Variants in DGLUCY observed in about 807,000 individuals in gnomAD.
DGLUCY encodes D-glutamate cyclase.
DGLUCY carries 58 observed loss-of-function variants against 58.5 expected under a neutral mutation model. The observed-to-expected ratio is 0.99, with a 90% CI of 0.80 to 1.23. The LOEUF (loss-of-function observed/expected upper bound fraction) is 1.23. Among genes scored for constraint, DGLUCY ranks in the 50% most tolerant of loss-of-function variants. DGLUCY has a pLI of 0.00. For synonymous variants in DGLUCY, 325 were observed against 314.1 expected, an observed-to-expected ratio of 1.03 and a Z score of -0.37; for missense variants, 779 against 784.7, an observed-to-expected ratio of 0.99 and a Z score of 0.09.
chr14:91,108,925 C>T (rs2044647806), intron 1 of DGLUCY, among the ~76,000 whole-genome samples: 1 of 152,024 alleles, frequency 6.6e-6, no homozygotes, highest in African/African-American at 2.4e-5. Context: ...AAGAAAGGGA[C>T]CGGAGAGCAA....
intron 3 of DGLUCY, among the ~76,000 whole-genome samples, chr14:91,165,535 T>G (rs977363512): frequency 2.0e-5 from 3 of 152,198 alleles, no homozygotes; most frequent in Non-Finnish European, 4.4e-5. Flanking sequence ...ATAGGAGGTC[T>G]TCTCCTGTAG....
chr14:91,173,181 C>G, intron 5 of DGLUCY, 108 bp from the exon 6 acceptor site: 763 of 1,076,682 alleles, frequency 7.1e-4, no homozygotes, highest in Non-Finnish European at 9.6e-4. Context: ...TCTATAACAG[C>G]TACTCCTCCT....
intron 13 of DGLUCY, among the ~76,000 whole-genome samples, chr14:91,219,375 C>T (rs1317785340): frequency 6.6e-6 from 1 of 152,104 alleles, no homozygotes; most frequent in Non-Finnish European, 1.5e-5. Flanking sequence ...CCCACATAAG[C>T]AAAGGTACAG....
chr14:91,095,109 AG>A lies in DGLUCY; in HGVS notation c.-82+34406del, dbSNP rs762156939. On this transcript the variant is annotated intron_variant, in intron 1 of 4. Transcript: ENST00000521334. ...CATGAGAAATTCCCCCTGCCCCCCC[AG>A]TTCATTTGCCCCTGAAAGCAGACCA... Among the ~76,000 whole-genome samples, 193 of 149,266 alleles carry A rather than the reference AG, an allele frequency of 1.3e-3. 1 individual carries two copies. Among genetic ancestry groups the A allele is most frequent in the Middle Eastern group, 6.9e-3 (2 of 290 alleles).
chr14:91,187,277 C>T (rs565938723), intron 8 of DGLUCY, among the ~76,000 whole-genome samples: 3 of 152,292 alleles, frequency 2.0e-5, no homozygotes, highest in South Asian at 2.1e-4. Flanking sequence ...GGATTACAGG[C>T]GTGAGCCACC....
chr14:91,187,329 T>C (rs1383532341), intron 8 of DGLUCY, among the ~76,000 whole-genome samples: 1 of 152,174 alleles, frequency 6.6e-6, no homozygotes, highest in East Asian at 1.9e-4. Flanking sequence ...TCCAGGCACC[T>C]CAACTATAAG....
At position 91,068,397 on chromosome 14, in the gene DGLUCY, G is replaced by A. The variant is rs1007919908; in HGVS notation, c.-82+7693G>A. On this transcript the variant is annotated intron_variant, in intron 1 of 4. Transcript: ENST00000521334. ...TATAAAGATATTGGGGGCCGGGCAC[G>A]GTGGCTCCCACCTGTAATCCCAACA... Among the ~76,000 whole-genome samples the A allele has an allele frequency of 4.6e-5, 7 of 152,186 alleles. No homozygotes were observed. The East Asian group carries it at 5.8e-4, about 13-fold the overall frequency.
chr14:91,170,304 A>T, intron 5 of DGLUCY, 103 bp downstream of exon 5: 1 of 1,277,052 alleles, frequency 7.8e-7, no homozygotes, highest in Non-Finnish European at 1.1e-6. Context: ...GAGGTGGAAA[A>T]CCTAAGCTCC....
chr14:91,144,720 T>C (rs1366137040), intron 1 of DGLUCY, among the ~76,000 whole-genome samples: 2 of 152,116 alleles, frequency 1.3e-5, no homozygotes, highest in Admixed American at 6.6e-5. Context: ...TTGGGAGCTC[T>C]CGTGGGAAGT....
chr14:91,215,575 C>A lies in DGLUCY; in HGVS notation c.1716+19C>A. ...CATTAAGGTAACAAACCCCAGCCAG[C>A]CGCTCGCCTGGAAGCAGCTTTTACC... On this transcript the variant is annotated intron_variant, in intron 13 of 13. Coordinates refer to ENST00000256324, the MANE Select transcript of DGLUCY (RefSeq NM_001102368.3). 1 of 1,613,406 alleles carries A rather than the reference C, an allele frequency of 6.2e-7. No individual in the cohort carries two copies. The highest frequency in any genetic ancestry group is 8.5e-7 in the Non-Finnish European group (1 of 1,179,504).
chr14:91,139,291 C>T (rs939989088), intron 1 of DGLUCY, among the ~76,000 whole-genome samples: 12 of 152,184 alleles, frequency 7.9e-5, no homozygotes, highest in African/African-American at 2.4e-4. Flanking sequence ...CCTCCGTAGA[C>T]TGCATGATGA....
rs529757715 is a variant in DGLUCY at position 91,125,910 on chromosome 14, T to C, written c.-82+11627T>C. Among the ~76,000 whole-genome samples the C allele has an allele frequency of 2.0e-5, 3 of 152,276 alleles. No individual in the cohort carries two copies. The East Asian group carries it at 5.8e-4, about 29-fold the overall frequency. On this transcript the variant is annotated intron_variant, in intron 1 of 13. Coordinates refer to ENST00000256324, the MANE Select transcript of DGLUCY (RefSeq NM_001102368.3). ...TCTTGCCACTGTACTCTAGCCTGGG[T>C]GACAGAGCAGGACACAGTCTCTAAA...
rs756195721 is a variant in DGLUCY, at chr14:91,176,021, C to T, written c.695C>T (p.Ser232Phe). ...PPGEVPVFWP[S>F]PLTSLGAVSS... ...GGGGAGGTTCCAGTGTTCTGGCCTT[C>T]TCCGCTGACCAGTCTCGGAGCTGTC... is the stretch of plus-strand genomic sequence containing the variant. Residue 232 changes from serine to phenylalanine, a missense_variant, in exon 7 of 14, where the codon TCT becomes TTT. Ser to Phe is a radical substitution (Grantham distance 155). Coordinates refer to ENST00000256324, the MANE Select transcript of DGLUCY (RefSeq NM_001102368.3). The T allele has an allele frequency of 1.2e-6, 2 of 1,614,120 alleles. No homozygotes were observed. Among genetic ancestry groups the T allele is most frequent in the Non-Finnish European group, 1.7e-6 (2 of 1,179,960 alleles).
upstream of DGLUCY, among the ~76,000 whole-genome samples, chr14:91,109,697 TC>T (rs1350513683): frequency 6.6e-6 from 1 of 152,160 alleles, no homozygotes; most frequent in African/African-American, 2.4e-5. Context: ...CTCTGGGGTC[TC>T]TAAAGGTACT....
At chr14:91,118,627 T>G (rs11846284) in intron 1 of DGLUCY, among the ~76,000 whole-genome samples, 5,097 of 152,244 alleles carry the variant, frequency 0.033, 274 homozygotes, top group African/African-American at 0.12. Flanking sequence ...AGATCTCTGT[T>G]TTAATGTTAA....
At chr14:91,122,260 G>A (rs2045414922) in intron 1 of DGLUCY, among the ~76,000 whole-genome samples, 1 of 151,694 alleles carries the variant, frequency 6.6e-6, no homozygotes, top group South Asian at 2.1e-4. Flanking sequence ...GACCTCCCGG[G>A]CTCCCACCTC....
intron 1 of DGLUCY, among the ~76,000 whole-genome samples, chr14:91,132,455 A>G (rs2046073823): frequency 6.6e-6 from 1 of 151,312 alleles, no homozygotes; most frequent in Non-Finnish European, 1.5e-5. Context: ...AGTCCAAGAT[A>G]CTTGGGAGAC....
At chr14:91,096,081 TG>T (rs1215859841) in intron 1 of DGLUCY, among the ~76,000 whole-genome samples, 1 of 152,146 alleles carries the variant, frequency 6.6e-6, no homozygotes, top group East Asian at 1.9e-4. Context: ...GGGAATGTTT[TG>T]AGATAGGTGG....
upstream of DGLUCY, among the ~76,000 whole-genome samples, chr14:91,106,254 G>A (rs1376312737): frequency 2.6e-5 from 4 of 151,914 alleles, no homozygotes; most frequent in Non-Finnish European, 4.4e-5. Context: ...GTTACAGTGA[G>A]CCAAGATCTG....
Sources: gnomAD v4.1 joint callset for allele counts (sites outside exome capture counted in the v4.1 genomes callset) on GRCh38, gnomAD v4.1.1 for gene constraint, MANE v1.5 for transcripts, NCBI Gene and HGNC (gene_info 2026-07-23, HGNC 2026-07-21) for gene names.